MTHFD2L: variants seen among roughly 807,000 people sequenced by gnomAD.
MTHFD2L encodes methylenetetrahydrofolate dehydrogenase (NADP+ dependent) 2 like, also known as bifunctional methylenetetrahydrofolate dehydrogenase/cyclohydrolase 2, mitochondrial.
A neutral mutation model predicts 34.9 loss-of-function variants in MTHFD2L; 29 were observed. The ratio of observed to expected loss-of-function variants is 0.83; its 90% CI spans 0.62 to 1.13. MTHFD2L has a LOEUF of 1.13. Among genes scored for constraint, MTHFD2L ranks in the 50% most tolerant of loss-of-function variants. The probability of loss-of-function intolerance (pLI) is 0.00; values close to 1 mark genes in which losing one functional copy is unlikely to be tolerated. For synonymous variants in MTHFD2L, 167 were observed against 155.7 expected (o/e 1.07, Z -0.54); for missense variants, 481 against 446.5 (o/e 1.08, Z -0.70).
chr4:74,234,796 A>AGTGTGT (rs139133412), intron 6 of MTHFD2L, among the ~76,000 whole-genome samples: 10,071 of 149,402 alleles, frequency 0.067, 932 homozygotes, highest in African/African-American at 0.21. Flanking sequence ...AAAAGGAGAC[A>AGTGTGT]GTGTGTGTGT....
chr4:74,150,996 A>G (rs1437989277), intron 1 of MTHFD2L, among the ~76,000 whole-genome samples: 1 of 152,014 alleles, frequency 6.6e-6, no homozygotes, highest in African/African-American at 2.4e-5. Flanking sequence ...AGTAAAAAAT[A>G]AAGAAAAATT....
chr4:74,245,247 G>C (rs1742267186), intron 6 of MTHFD2L, among the ~76,000 whole-genome samples: 1 of 148,816 alleles, frequency 6.7e-6, no homozygotes, highest in Non-Finnish European at 1.5e-5. Context: ...TGTTAGGTTG[G>C]ACCTTAAAGA....
chr4:74,128,796 A>G (rs1722260956), intron 1 of MTHFD2L, among the ~76,000 whole-genome samples: 1 of 152,056 alleles, frequency 6.6e-6, no homozygotes, highest in African/African-American at 2.4e-5. Context: ...GAATCTCTAA[A>G]TTGCTTGTCA....
intron 7 of MTHFD2L, among the ~76,000 whole-genome samples, chr4:74,290,961 T>G (rs1484999924): frequency 6.6e-6 from 1 of 150,932 alleles, no homozygotes; most frequent in Admixed American, 6.6e-5. Context: ...ATTGGATGCC[T>G]CTGTAAGATT....
chr4:74,255,684 C>T (rs1247683552), intron 6 of MTHFD2L, among the ~76,000 whole-genome samples: 1 of 152,042 alleles, frequency 6.6e-6, no homozygotes, highest in African/African-American at 2.4e-5. Flanking sequence ...CTACTGTTGC[C>T]ATCTTTATGT....
chr4:74,158,469 T>G (rs1253552077), intron 1 of MTHFD2L, 188 bp downstream of exon 1: 2 of 222,546 alleles, frequency 9.0e-6, no homozygotes, highest in African/African-American at 2.3e-5. Context: ...TGCCTCAGCT[T>G]GGGGAACGAA....
intron 1 of MTHFD2L, among the ~76,000 whole-genome samples, chr4:74,158,577 A>G (rs146365141): frequency 2.2e-4 from 34 of 152,302 alleles, no homozygotes; most frequent in South Asian, 8.3e-4. Flanking sequence ...AAAAGGTAGT[A>G]TAAAAACACG....
chr4:74,267,807 C>T (rs1578664710), intron 6 of MTHFD2L: 1 of 985,272 alleles, frequency 1.0e-6, no homozygotes, highest in Middle Eastern at 5.2e-4. Context: ...GAAATATGGT[C>T]CAAGGCAGAA....
intron 7 of MTHFD2L, among the ~76,000 whole-genome samples, chr4:74,295,190 C>T (rs1217262864): frequency 3.3e-5 from 5 of 152,048 alleles, no homozygotes; most frequent in Non-Finnish European, 1.5e-5. Context: ...ATCACCTCCC[C>T]GGCCTCCTCT....
intron 6 of MTHFD2L, among the ~76,000 whole-genome samples, chr4:74,245,067 C>T (rs543391203): frequency 2.0e-5 from 3 of 151,754 alleles, no homozygotes; most frequent in East Asian, 1.9e-4. Flanking sequence ...TCGTGGCAGG[C>T]GCCTGTAGTC....
At chr4:74,289,369 G>A (rs1043490677) in intron 7 of MTHFD2L, among the ~76,000 whole-genome samples, 2 of 152,146 alleles carry the variant, frequency 1.3e-5, no homozygotes, top group African/African-American at 2.4e-5. Flanking sequence ...GGGGGGCCTG[G>A]CTGGCGGTTT....
chr4:74,166,369 C>T (rs187276947), intron 1 of MTHFD2L, among the ~76,000 whole-genome samples: 3 of 152,226 alleles, frequency 2.0e-5, no homozygotes, highest in Admixed American at 6.5e-5. Context: ...TCTGTCTTCA[C>T]TTCCCTTTTT....
intron 1 of MTHFD2L, among the ~76,000 whole-genome samples, chr4:74,150,444 G>C (rs7687073): frequency 6.6e-6 from 1 of 152,160 alleles, no homozygotes; most frequent in Non-Finnish European, 1.5e-5. Context: ...AGTAGAGACG[G>C]TGTTTCTCTA....
intron 6 of MTHFD2L, among the ~76,000 whole-genome samples, chr4:74,278,830 A>G (rs1300631665): frequency 1.3e-5 from 2 of 152,124 alleles, no homozygotes; most frequent in African/African-American, 4.8e-5. Flanking sequence ...GAACAAAGAT[A>G]AAACCATCAC....
chr4:74,184,978 T>A (rs1730880203), intron 3 of MTHFD2L, among the ~76,000 whole-genome samples: 1 of 151,024 alleles, frequency 6.6e-6, no homozygotes, highest in Non-Finnish European at 1.5e-5. Flanking sequence ...TGAAACCCCG[T>A]CTCTACTAAA....
chr4:74,187,754 AC>A, intron 3 of MTHFD2L, among the ~76,000 whole-genome samples: 1 of 150,662 alleles, frequency 6.6e-6, no homozygotes, highest in Non-Finnish European at 1.5e-5. Context: ...ACACACACAC[AC>A]ACACACACAC....
At chr4:74,177,075 TC>T (rs1729190206) in intron 3 of MTHFD2L, among the ~76,000 whole-genome samples, 1 of 151,924 alleles carries the variant, frequency 6.6e-6, no homozygotes, top group African/African-American at 2.4e-5. Flanking sequence ...CTATCAGTTT[TC>T]CCCCTGAGAA....
intron 3 of MTHFD2L, chr4:74,195,976 T>C (rs1733398845): frequency 6.6e-6 from 1 of 152,216 alleles, no homozygotes; most frequent in Non-Finnish European, 1.5e-5. Context: ...CTCTGAGCAG[T>C]TCCCAGCTTG....
At chr4:74,235,295 G>A (rs1042126386) in intron 6 of MTHFD2L, among the ~76,000 whole-genome samples, 1 of 152,150 alleles carries the variant, frequency 6.6e-6, no homozygotes, top group Non-Finnish European at 1.5e-5. Context: ...AGGAGTAGAT[G>A]AAAGTGAGAA....
Sources: allele counts gnomAD v4.1 joint callset (sites outside exome capture counted in the v4.1 genomes callset), GRCh38; gene constraint gnomAD v4.1.1; transcripts MANE v1.5; gene names NCBI Gene and HGNC (gene_info 2026-07-23, HGNC 2026-07-21).